Variants in WDR70 observed in about 807,000 individuals in gnomAD.
WDR70 encodes WD repeat-containing protein 70.
In WDR70, 53 loss-of-function variants were observed where a neutral mutation model predicts 88.6. The ratio of observed to expected loss-of-function variants is 0.60; its 90% confidence interval spans 0.48 to 0.75. The LOEUF (loss-of-function observed/expected upper bound fraction) is 0.75. Among genes scored for constraint, WDR70 ranks in the 30% least tolerant of loss-of-function variants. The probability of loss-of-function intolerance (pLI) is 0.00; values close to 1 mark genes in which losing one functional copy is unlikely to be tolerated. For synonymous variants in WDR70, 280 were observed against 270.0 expected (o/e 1.04, Z -0.36); for missense variants, 610 against 823.2 (o/e 0.74, Z 3.17).
chr5:37,510,081 C>T (rs1323709009), intron 8 of WDR70, among the ~76,000 whole-genome samples: 1 of 150,252 alleles, frequency 6.7e-6, no homozygotes, highest in Non-Finnish European at 1.5e-5. Context: ...AAACACTCCC[C>T]CCCCCAAAAA....
At chr5:37,751,330 A>G (rs751787330) in intron 17 of WDR70, among the ~76,000 whole-genome samples, 3 of 152,246 alleles carry the variant, frequency 2.0e-5, no homozygotes, top group Non-Finnish European at 4.4e-5. Flanking sequence ...ACAGTGTCTT[A>G]AAGTGACAAC....
At chr5:37,705,440 G>T (rs978007867) in intron 13 of WDR70, among the ~76,000 whole-genome samples, 1 of 152,092 alleles carries the variant, frequency 6.6e-6, no homozygotes, top group African/African-American at 2.4e-5. Context: ...GATGAAGAGA[G>T]AACTTCAAAT....
chr5:37,499,518 T>C (rs936220549), intron 8 of WDR70, among the ~76,000 whole-genome samples: 5 of 151,548 alleles, frequency 3.3e-5, no homozygotes, highest in Admixed American at 2.0e-4. Context: ...ATGTTTGTTT[T>C]TCAGTTTTTT....
chr5:37,499,587 T>TTTTCTATCTCTC (rs1554144047), intron 8 of WDR70, among the ~76,000 whole-genome samples: 3 of 41,856 alleles, frequency 7.2e-5, no homozygotes, highest in Non-Finnish European at 1.8e-4. Context: ...TTTGGAAATA[T>TTTTCTATCTCTC]TCTCTCTCTC....
chr5:37,650,778 C>T (rs976338664), intron 10 of WDR70, among the ~76,000 whole-genome samples: 2 of 152,052 alleles, frequency 1.3e-5, no homozygotes, highest in Non-Finnish European at 2.9e-5. Context: ...ATGGGAAAAC[C>T]ATGCATATAT....
chr5:37,751,474 A>G (rs370951166), intron 17 of WDR70, among the ~76,000 whole-genome samples: 1 of 152,228 alleles, frequency 6.6e-6, no homozygotes, highest in East Asian at 1.9e-4. Context: ...GTCAGACAAC[A>G]TCAGCATGAG....
intron 10 of WDR70, among the ~76,000 whole-genome samples, chr5:37,620,960 A>T (rs1038019235): frequency 1.3e-5 from 2 of 152,108 alleles, no homozygotes; most frequent in Non-Finnish European, 2.9e-5. Context: ...GATTTAGAAC[A>T]GGAAGCAGAT....
At chr5:37,673,360 C>T (rs997509945) in intron 10 of WDR70, among the ~76,000 whole-genome samples, 1 of 152,098 alleles carries the variant, frequency 6.6e-6, no homozygotes, top group African/African-American at 2.4e-5. Flanking sequence ...TTGCAGTGAA[C>T]ATATATATGC....
chr5:37,467,740 A>G (rs925331129), intron 7 of WDR70, among the ~76,000 whole-genome samples: 1 of 148,076 alleles, frequency 6.8e-6, no homozygotes, highest in Non-Finnish European at 1.5e-5. Context: ...TTTTTTTTAG[A>G]GATGGAGTCT....
At chr5:37,399,619 T>A (rs1749136201) in intron 5 of WDR70, among the ~76,000 whole-genome samples, 6 of 152,222 alleles carry the variant, frequency 3.9e-5, no homozygotes, top group Admixed American at 3.9e-4. Context: ...TTAAATTCTT[T>A]TGCCAACCAT....
intron 5 of WDR70, among the ~76,000 whole-genome samples, chr5:37,410,070 A>G (rs913718766): frequency 2.0e-5 from 3 of 151,058 alleles, no homozygotes; most frequent in Admixed American, 6.6e-5. Flanking sequence ...TTTAAGAGAT[A>G]GGGTTTTGCT....
Position 37,396,522 on chromosome 5 carries a change from A to T in WDR70, c.444A>T (p.Glu148Asp). ...GTCCTTTACCTCCACCTCTTAATGA[A>T]GAAGAAGAAGAAGCAGAGGAAGAAG... ...ILGPLPPPLN[E>D]EEEEAEEEEE... Residue 148 changes from glutamate (E) to aspartate (D), a missense_variant, in exon 5 of 18, where the codon GAA becomes GAT. By Grantham distance (45) the Glu-to-Asp change is conservative. Transcript: ENST00000265107. 6.2e-7 allele frequency: 1 copy of T among 1,605,182 alleles called. No homozygotes were observed.
rs1204403974 is a variant in WDR70, at chr5:37,748,790, T to G, written c.1878-3696T>G. On this transcript the variant is annotated intron_variant, in intron 17 of 17. Transcript: ENST00000265107. Reference sequence around the variant, plus strand: ...TACAAGAAGAAAACCCATCAAAAAGTGGGCAAAGGATATGAACAGACACTT... The same window carrying G: ...TACAAGAAGAAAACCCATCAAAAAGGGGGCAAAGGATATGAACAGACACTT... 2.0e-5 allele frequency among the ~76,000 whole-genome samples: 3 copies of G among 152,038 alleles called. No homozygotes were observed. In the East Asian group the frequency reaches 5.8e-4, roughly 29 times the overall value.
At chr5:37,652,924 C>G (rs1459678805) in intron 10 of WDR70, among the ~76,000 whole-genome samples, 1 of 152,088 alleles carries the variant, frequency 6.6e-6, no homozygotes, top group African/African-American at 2.4e-5. Flanking sequence ...ATTCCAGTAC[C>G]CTTTATTTAT....
chr5:37,457,867 A>G (rs1341406118), intron 7 of WDR70, among the ~76,000 whole-genome samples: 1 of 152,034 alleles, frequency 6.6e-6, no homozygotes, highest in Non-Finnish European at 1.5e-5. Context: ...ACTATGTTGA[A>G]TAGGAGCGGT....
chr5:37,489,383 C>T (rs968633484), intron 8 of WDR70, among the ~76,000 whole-genome samples: 10 of 152,120 alleles, frequency 6.6e-5, no homozygotes, highest in African/African-American at 2.4e-4. Context: ...GGCAGGGCAA[C>T]ACCTGGGCTT....
intron 17 of WDR70, among the ~76,000 whole-genome samples, chr5:37,730,171 C>A (rs1229813156): frequency 6.6e-6 from 1 of 152,072 alleles, no homozygotes; most frequent in Non-Finnish European, 1.5e-5. Flanking sequence ...ACTTTTATCA[C>A]AAAATTATTG....
intron 7 of WDR70, among the ~76,000 whole-genome samples, chr5:37,449,418 C>T (rs2112073775): frequency 6.6e-6 from 1 of 151,906 alleles, no homozygotes; most frequent in South Asian, 2.1e-4. Context: ...ATGGTGAAAC[C>T]CCGTCTGTAC....
chr5:37,496,770 T>C (rs1289818847), intron 8 of WDR70, among the ~76,000 whole-genome samples: 2 of 152,186 alleles, frequency 1.3e-5, no homozygotes, highest in African/African-American at 2.4e-5. Flanking sequence ...AAGGATGGAA[T>C]TGAGTAGCAG....
Sources: gnomAD v4.1 joint callset for allele counts (sites outside exome capture counted in the v4.1 genomes callset) on GRCh38, gnomAD v4.1.1 for gene constraint, MANE v1.5 for transcripts, NCBI Gene and HGNC (gene_info 2026-07-23, HGNC 2026-07-21) for gene names.